RPS6KC1: variants seen among roughly 807,000 people sequenced by gnomAD.
RPS6KC1 encodes inactive ribosomal protein S6 kinase delta-1.
RPS6KC1 carries 54 observed loss-of-function variants against 103.8 expected under a neutral mutation model. The observed-to-expected ratio is 0.52, with a 90% CI of 0.42 to 0.65. The LOEUF is 0.65. RPS6KC1 is among the 30% of genes least tolerant of loss of function. RPS6KC1 has a pLI of 0.00. For synonymous variants in RPS6KC1, 439 were observed against 438.7 expected, an observed-to-expected ratio of 1.00 and a Z score of -0.01; for missense variants, 1,151 against 1,253.8, an observed-to-expected ratio of 0.92 and a Z score of 1.24.
Position 213,077,694 on chromosome 1 carries a change from A to G in RPS6KC1, c.142-2A>G. The G allele has an allele frequency of 2.8e-6, 4 of 1,431,314 alleles. No homozygotes were observed. The highest frequency in any genetic ancestry group is 3.8e-6 in the Non-Finnish European group (4 of 1,051,108). The allele number at this position is 1,431,314 out of a possible 1,614,324, so 88.7% of individuals were successfully genotyped here. ...ATACATGTTTAATTTTTTTCTCTCTAGATAATTGTATGGAAGAGATACAGT... is the reference window on the plus strand; with the variant it reads ...ATACATGTTTAATTTTTTTCTCTCTGGATAATTGTATGGAAGAGATACAGT... On this transcript the variant is annotated splice_acceptor_variant, in intron 2 of 14. Transcript: ENST00000366960. LOFTEE classifies it high-confidence loss of function.
At chr1:213,210,201 G>T (rs962031380) in intron 8 of RPS6KC1, among the ~76,000 whole-genome samples, 2 of 152,066 alleles carry the variant, frequency 1.3e-5, no homozygotes, top group Non-Finnish European at 2.9e-5. Context: ...CCCTGTTCAA[G>T]GTGGAGTTGC....
chr1:213,731,661 T>G, the RPS6KC1 span: 1 of 152,232 alleles, frequency 6.6e-6, no homozygotes, highest in Non-Finnish European at 1.5e-5. Flanking sequence ...ATACAAATTA[T>G]ATGAACATAT....
the RPS6KC1 span, among the ~76,000 whole-genome samples, chr1:213,627,818 A>C: frequency 1.3e-5 from 2 of 152,172 alleles, no homozygotes; most frequent in Non-Finnish European, 2.9e-5. Flanking sequence ...TGCTGGATTC[A>C]GTTTGCCAGT....
chr1:213,294,751 T>C, the RPS6KC1 span, among the ~76,000 whole-genome samples: 1 of 152,204 alleles, frequency 6.6e-6, no homozygotes, highest in African/African-American at 2.4e-5. Context: ...TTACCAAGGT[T>C]TCATCTCTGA....
At chr1:213,566,845 T>C in the RPS6KC1 span, among the ~76,000 whole-genome samples, 2 of 152,180 alleles carry the variant, frequency 1.3e-5, no homozygotes, top group African/African-American at 4.8e-5. Context: ...TAAACATTTA[T>C]TTTTAGCTTA....
At chr1:213,170,735 T>C (rs1360375365) in intron 7 of RPS6KC1, among the ~76,000 whole-genome samples, 1 of 152,248 alleles carries the variant, frequency 6.6e-6, no homozygotes, top group Non-Finnish European at 1.5e-5. Flanking sequence ...TTGTTAAGCC[T>C]GGCCCTTTTT....
chr1:213,359,264 G>T, the RPS6KC1 span, among the ~76,000 whole-genome samples: 2 of 152,152 alleles, frequency 1.3e-5, no homozygotes, highest in Admixed American at 1.3e-4. Context: ...TATATATTTA[G>T]GATAGTTAGC....
the RPS6KC1 span, among the ~76,000 whole-genome samples, chr1:213,603,816 C>A: frequency 6.6e-6 from 1 of 151,870 alleles, no homozygotes; most frequent in Non-Finnish European, 1.5e-5. Flanking sequence ...ACTGAGATTG[C>A]CCCACTGTAC....
rs534951339 is a variant in RPS6KC1, at chr1:213,236,316, G to A, written c.1225+4061G>A. Among the ~76,000 whole-genome samples, 3 of 152,312 alleles carry A rather than the reference G, an allele frequency of 2.0e-5. No homozygotes were observed. In the East Asian group the frequency reaches 5.8e-4, roughly 29 times the overall value. On this transcript the variant is annotated intron_variant, in intron 10 of 14. Transcript: ENST00000366960. ...ATTAGAGTCTGAATGTATTTTGAAG[G>A]TAGAACGGCATGATTCTGTTTTACA...
At chr1:213,691,053 G>A in the RPS6KC1 span, among the ~76,000 whole-genome samples, 5 of 152,072 alleles carry the variant, frequency 3.3e-5, no homozygotes, top group Non-Finnish European at 7.4e-5. Flanking sequence ...CCCACTCCAG[G>A]AGAAGCCCAT....
the RPS6KC1 span, among the ~76,000 whole-genome samples, chr1:213,816,691 GA>G: frequency 2.8e-3 from 427 of 152,232 alleles, 1 homozygote; most frequent in Middle Eastern, 0.01. Flanking sequence ...GCCCGATGGT[GA>G]CTGATCCCTC....
At chr1:213,556,979 A>G in the RPS6KC1 span, among the ~76,000 whole-genome samples, 254 of 152,304 alleles carry the variant, frequency 1.7e-3, 3 homozygotes, top group East Asian at 0.042. Context: ...TCCTAGGACT[A>G]AACAGTGGAA....
chr1:213,841,557 C>T, the RPS6KC1 span, among the ~76,000 whole-genome samples: 1 of 152,304 alleles, frequency 6.6e-6, no homozygotes, highest in East Asian at 1.9e-4. Context: ...TGCTACTATT[C>T]ATTTGAGGAA....
chr1:213,277,491 A>G (rs1289187405), downstream of RPS6KC1, among the ~76,000 whole-genome samples: 1 of 152,216 alleles, frequency 6.6e-6, no homozygotes, highest in African/African-American at 2.4e-5. Context: ...CTTGGCAGGC[A>G]TGTTGGCCCA....
chr1:213,287,228 T>C, the RPS6KC1 span, among the ~76,000 whole-genome samples: 1 of 114,470 alleles, frequency 8.7e-6, no homozygotes, highest in African/African-American at 3.4e-5. Context: ...GGGGTGCCTA[T>C]ACAATGTGTG....
At chr1:213,266,387 A>G (rs1480627491) in intron 14 of RPS6KC1, among the ~76,000 whole-genome samples, 1 of 152,248 alleles carries the variant, frequency 6.6e-6, no homozygotes, top group Non-Finnish European at 1.5e-5. Flanking sequence ...AATGTTGTAA[A>G]TAAATAATTT....
intron 8 of RPS6KC1, among the ~76,000 whole-genome samples, chr1:213,200,792 A>G (rs1372597091): frequency 6.6e-6 from 1 of 152,230 alleles, no homozygotes; most frequent in African/African-American, 2.4e-5. Context: ...AAACAGCCCC[A>G]TTGAAAAGTG....
the RPS6KC1 span, among the ~76,000 whole-genome samples, chr1:213,593,239 G>A: frequency 6.8e-6 from 1 of 148,098 alleles, no homozygotes. Context: ...GAATTTCAAT[G>A]AAAAAAAAAA....
At chr1:213,077,940 C>A (rs2079497039) in intron 3 of RPS6KC1, 124 bp downstream of exon 3, 1 of 451,884 alleles carries the variant, frequency 2.2e-6, no homozygotes, top group Non-Finnish European at 3.8e-6. Flanking sequence ...TCATATTGTT[C>A]AACAGCACTT....
Sources: gnomAD v4.1 joint callset for allele counts (sites outside exome capture counted in the v4.1 genomes callset) on GRCh38, gnomAD v4.1.1 for gene constraint, MANE v1.5 for transcripts, NCBI Gene and HGNC (gene_info 2026-07-23, HGNC 2026-07-21) for gene names.